Variants in GABRG3 observed in about 807,000 individuals in gnomAD.
The protein encoded by GABRG3 is gamma-aminobutyric acid receptor subunit gamma-3.
Under a neutral mutation model 48.8 loss-of-function variants are expected in GABRG3, and 25 were observed. The ratio of observed to expected loss-of-function variants is 0.51; its 90% CI spans 0.37 to 0.72. The LOEUF (loss-of-function observed/expected upper bound fraction) is 0.72. Among genes scored for constraint, GABRG3 ranks in the 30% least tolerant of loss-of-function variants. The probability of loss-of-function intolerance (pLI) is 0.00; values close to 1 mark genes in which losing one functional copy is unlikely to be tolerated. For synonymous variants in GABRG3, 227 were observed against 217.6 expected, an observed-to-expected ratio of 1.04 and a Z score of -0.38; for missense variants, 394 against 577.9, an observed-to-expected ratio of 0.68 and a Z score of 3.26.
intron 5 of GABRG3, among the ~76,000 whole-genome samples, chr15:27,418,342 C>A (rs1343932354): frequency 1.3e-5 from 2 of 152,230 alleles, no homozygotes; most frequent in Non-Finnish European, 2.9e-5. Flanking sequence ...CACAGCAAGG[C>A]TGTCCAGGAG....
intron 3 of GABRG3, among the ~76,000 whole-genome samples, chr15:27,235,453 G>A (rs925266028): frequency 1.5e-4 from 23 of 151,002 alleles, no homozygotes; most frequent in African/African-American, 5.5e-4. Context: ...GTGAGATTAT[G>A]TACTTATCTT....
At chr15:27,188,861 G>A in intron 3 of GABRG3, among the ~76,000 whole-genome samples, 1 of 151,174 alleles carries the variant, frequency 6.6e-6, no homozygotes. Flanking sequence ...ATGGTTTTAG[G>A]TCTAACGTTT....
At chr15:27,395,347 C>T (rs1182457653) in intron 5 of GABRG3, among the ~76,000 whole-genome samples, 3 of 152,172 alleles carry the variant, frequency 2.0e-5, no homozygotes, top group Admixed American at 6.5e-5. Context: ...TGCAGTCCCT[C>T]ATTTGATGAC....
At chr15:27,022,891 G>A (rs575464654) in intron 2 of GABRG3, among the ~76,000 whole-genome samples, 1 of 152,162 alleles carries the variant, frequency 6.6e-6, no homozygotes, top group Non-Finnish European at 1.5e-5. Flanking sequence ...CTTTAGTGTT[G>A]TGACAGAGGC....
At chr15:27,441,838 CT>C (rs1888795771) in intron 5 of GABRG3, among the ~76,000 whole-genome samples, 1 of 152,090 alleles carries the variant, frequency 6.6e-6, no homozygotes, top group African/African-American at 2.4e-5. Flanking sequence ...TTTTTTAAAG[CT>C]TGTGATCAGG....
At chr15:27,011,720 C>T (rs369029462) in intron 2 of GABRG3, among the ~76,000 whole-genome samples, 22 of 151,728 alleles carry the variant, frequency 1.4e-4, no homozygotes, top group East Asian at 1.2e-3. Context: ...TGGTGGTGGG[C>T]GCCTGTAGTC....
intron 3 of GABRG3, among the ~76,000 whole-genome samples, chr15:27,159,429 C>T (rs749064368): frequency 5.3e-5 from 8 of 151,794 alleles, no homozygotes; most frequent in Non-Finnish European, 1.2e-4. Context: ...TTGCAGTGAT[C>T]CGAGATTGCG....
chr15:27,176,065 A>C (rs2140413823), intron 3 of GABRG3, among the ~76,000 whole-genome samples: 1 of 152,178 alleles, frequency 6.6e-6, no homozygotes, highest in Non-Finnish European at 1.5e-5. Flanking sequence ...AAAACAAGCC[A>C]AAAATGCATT....
At chr15:27,142,223 T>C (rs1000148412) in intron 3 of GABRG3, among the ~76,000 whole-genome samples, 14 of 152,206 alleles carry the variant, frequency 9.2e-5, no homozygotes, top group Non-Finnish European at 1.5e-5. Flanking sequence ...AACTACTCTG[T>C]TTAAGAGTAG....
chr15:27,370,105 G>T (rs1310201757), intron 5 of GABRG3, among the ~76,000 whole-genome samples: 1 of 152,210 alleles, frequency 6.6e-6, no homozygotes, highest in Non-Finnish European at 1.5e-5. Flanking sequence ...GAATTCAGCA[G>T]CAAATGCATT....
At chr15:27,289,445 G>A (rs1891726500) in intron 3 of GABRG3, among the ~76,000 whole-genome samples, 1 of 152,164 alleles carries the variant, frequency 6.6e-6, no homozygotes, top group Non-Finnish European at 1.5e-5. Context: ...TATAATGAAT[G>A]TGGAATATGA....
chr15:27,224,068 G>A (rs1329434271), intron 3 of GABRG3, among the ~76,000 whole-genome samples: 1 of 152,110 alleles, frequency 6.6e-6, no homozygotes, highest in African/African-American at 2.4e-5. Context: ...ACTGAGCTCC[G>A]AGGAAGTACC....
intron 3 of GABRG3, among the ~76,000 whole-genome samples, chr15:27,188,374 A>G (rs565321216): frequency 6.6e-6 from 1 of 151,958 alleles, no homozygotes; most frequent in Non-Finnish European, 1.5e-5. Flanking sequence ...TTCTCCACAT[A>G]CTCTCCAGCA....
chr15:27,009,970 G>A (rs1895655833), intron 2 of GABRG3, among the ~76,000 whole-genome samples: 1 of 150,854 alleles, frequency 6.6e-6, no homozygotes, highest in African/African-American at 2.4e-5. Context: ...TTTTTGACAG[G>A]CTCTCACTCC....
intron 3 of GABRG3, among the ~76,000 whole-genome samples, chr15:27,207,626 C>T (rs1454371028): frequency 6.6e-6 from 1 of 152,212 alleles, no homozygotes; most frequent in South Asian, 2.1e-4. Context: ...TATCTCTGCA[C>T]AGCACGTGGA....
In GABRG3 at chr15:27,180,147, A is replaced by G. The variant is rs1488128281; in HGVS notation, c.271-146662A>G. Among the ~76,000 whole-genome samples, 1 of 152,156 alleles carries G rather than the reference A, an allele frequency of 6.6e-6. No homozygotes were observed. Among genetic ancestry groups the G allele is most frequent in the Non-Finnish European group, 1.5e-5 (1 of 68,034 alleles). On this transcript the variant is annotated intron_variant, in intron 3 of 9. Coordinates refer to ENST00000615808, the MANE Select transcript of GABRG3 (RefSeq NM_033223.5). The surrounding 1 kb of genome is among the most constrained non-coding windows in gnomAD (Gnocchi z 4.2). ...CACAGAGCTCACAAAGAAGTTGTCC[A>G]GGCCCGGGGGGTGAGATACATAAAT...
intron 3 of GABRG3, among the ~76,000 whole-genome samples, chr15:27,174,376 T>A (rs1001744771): frequency 6.6e-5 from 10 of 152,226 alleles, no homozygotes; most frequent in Non-Finnish European, 1.2e-4. Context: ...ATGTTGTAAC[T>A]CATCACAGGC....
intron 3 of GABRG3, among the ~76,000 whole-genome samples, chr15:27,141,617 C>T (rs1161627695): frequency 6.6e-6 from 1 of 152,206 alleles, no homozygotes; most frequent in Non-Finnish European, 1.5e-5. Flanking sequence ...GGCTTGGTGT[C>T]ACTCTAGGGA....
chr15:27,064,910 G>A (rs1182691569), intron 3 of GABRG3, among the ~76,000 whole-genome samples: 3 of 152,170 alleles, frequency 2.0e-5, no homozygotes, highest in African/African-American at 7.2e-5. Flanking sequence ...ATCTTTAAAC[G>A]TGTGTCAAGT....
Sources: gnomAD v4.1 joint callset for allele counts (sites outside exome capture counted in the v4.1 genomes callset) on GRCh38, gnomAD v4.1.1 for gene constraint, Gnocchi (gnomAD v3.1) non-coding constraint, MANE v1.5 for transcripts, NCBI Gene and HGNC (gene_info 2026-07-23, HGNC 2026-07-21) for gene names.